The following KIF9 variants were observed in gnomAD, a reference collection of about 807,000 sequenced individuals.
The protein encoded by KIF9 is kinesin family member 9.
In KIF9, 68 loss-of-function variants were observed where a neutral mutation model predicts 94.8. That is an observed-to-expected ratio of 0.72 (90% CI 0.59 to 0.88). The LOEUF is 0.88. Ranked by LOEUF, KIF9 falls within the 40% of genes least tolerant of loss-of-function variation. The pLI, the probability that KIF9 is intolerant of heterozygous loss-of-function variation, is 0.00. For synonymous variants in KIF9, 343 were observed against 362.1 expected (o/e 0.95, Z 0.60); for missense variants, 882 against 982.5 (o/e 0.90, Z 1.37).
chr3:47,273,615 G>GT lies in KIF9; in HGVS notation c.302dup (p.Tyr101Ter). 3.7e-6 allele frequency: 6 copies of GT among 1,614,110 alleles called. No homozygotes were observed. The highest frequency in any genetic ancestry group is 5.1e-6 in the Non-Finnish European group (6 of 1,179,972). The change falls in exon 4 of 21, where the codon TAC (tyrosine) becomes TAAC (stop). Residue 101 changes from tyrosine to a stop codon, truncating the protein, a stop_gained and frameshift_variant. Coordinates refer to ENST00000684063, the MANE Select transcript of KIF9 (RefSeq NM_182902.4). LOFTEE classifies it high-confidence loss of function. ...CYGQTGAGKTYTMMGATENYK... is the reference protein window; with the variant it reads ...CYGQTGAGKT ...AATTCTCAGTTGCCCCCATCATGGT[G>GT]TATGTCTTGCCAGCTCCCGTCTGCC...
rs1413514012 is a variant in KIF9, at chr3:47,248,080, C to A, written c.1066G>T (p.Val356Phe). The change falls in exon 11 of 21, where the codon GTC (valine) becomes TTC (phenylalanine). Residue 356 changes from valine to phenylalanine, a missense_variant. Coordinates refer to ENST00000684063, the MANE Select transcript of KIF9 (RefSeq NM_182902.4). ...INEKYDAERM[V>F]KNLEKELALL... ...GCTAGTTCCTTCTCCAGGTTCTTGA[C>A]CATTCTCTGCCGGGAAACATGGTAG... 2.5e-6 allele frequency: 4 copies of A among 1,613,024 alleles called. No individual in the cohort carries two copies. Among genetic ancestry groups the A allele is most frequent in the Non-Finnish European group, 3.4e-6 (4 of 1,179,376 alleles).
intron 1 of KIF9, among the ~76,000 whole-genome samples, chr3:47,277,993 A>AGTGTGTGTGT (rs147140971): frequency 7.3e-5 from 11 of 150,210 alleles, no homozygotes; most frequent in African/African-American, 2.4e-4. Context: ...ATTTTCTTTC[A>AGTGTGTGTGT]GTGTGTGTGT....
chr3:47,264,239 C>T (rs79062474), intron 9 of KIF9, 47 bp downstream of exon 9: 36,648 of 1,445,542 alleles, frequency 0.025, 725 homozygotes, highest in Non-Finnish European at 0.026. Flanking sequence ...GCCCTGGCAC[C>T]CATGAAGGGG....
chr3:47,261,368 A>G (rs1431087444), intron 9 of KIF9, among the ~76,000 whole-genome samples: 1 of 152,142 alleles, frequency 6.6e-6, no homozygotes, highest in Non-Finnish European at 1.5e-5. Flanking sequence ...CCAGCCAAGG[A>G]TAATTATGGC....
intron 1 of KIF9, chr3:47,281,125 G>T (rs1002944653): frequency 4.5e-6 from 3 of 667,918 alleles, no homozygotes; most frequent in South Asian, 3.2e-5. Flanking sequence ...AATGGCGGTG[G>T]TTGGTGATGG....
chr3:47,266,634 G>C (rs1701304976), intron 7 of KIF9, among the ~76,000 whole-genome samples: 1 of 152,170 alleles, frequency 6.6e-6, no homozygotes, highest in South Asian at 2.1e-4. Context: ...GACACGGCGA[G>C]ACTGTGTCTC....
chr3:47,239,755 T>C, intron 17 of KIF9: 1 of 1,331,836 alleles, frequency 7.5e-7, no homozygotes, highest in Non-Finnish European at 1.0e-6. Context: ...GCCCTGCTCC[T>C]CTGAGAAATA....
chr3:47,241,084 T>C (rs1032452012), intron 16 of KIF9, 69 bp from the exon 17 acceptor site: 3 of 1,395,580 alleles, frequency 2.1e-6, no homozygotes, highest in Non-Finnish European at 3.0e-6. Context: ...AGGCACTTCA[T>C]CTTTCTTCCC....
At chr3:47,265,634 GGA>G in intron 8 of KIF9, 94 bp downstream of exon 8, 1 of 1,321,490 alleles carries the variant, frequency 7.6e-7, no homozygotes, top group South Asian at 1.3e-5. Flanking sequence ...CCACCAGGAG[GGA>G]GCAATTCTAT....
chr3:47,246,119 T>A, intron 13 of KIF9, 78 bp downstream of exon 13: 1 of 1,330,418 alleles, frequency 7.5e-7, no homozygotes, highest in South Asian at 1.2e-5. Flanking sequence ...GAGGAGCTCT[T>A]GGAGGCAAGT....
intron 1 of KIF9, among the ~76,000 whole-genome samples, chr3:47,280,589 C>T (rs1418168049): frequency 6.6e-6 from 1 of 152,138 alleles, no homozygotes; most frequent in Admixed American, 6.6e-5. Flanking sequence ...CGCGTGTGGT[C>T]CCAATTTCCC....
chr3:47,254,767 A>G (rs970829056), intron 10 of KIF9, among the ~76,000 whole-genome samples: 2 of 152,308 alleles, frequency 1.3e-5, no homozygotes, highest in Non-Finnish European at 2.9e-5. Flanking sequence ...AGGAGGCCTC[A>G]GTGTCATAAA....
chr3:47,258,603 TAGTG>T (rs1285604295), intron 9 of KIF9, among the ~76,000 whole-genome samples: 1 of 152,124 alleles, frequency 6.6e-6, no homozygotes, highest in Non-Finnish European at 1.5e-5. Context: ...GTTCTCATGG[TAGTG>T]AGTGAGTTCT....
At position 47,228,525 on chromosome 3, in the gene KIF9, G is replaced by A. The variant is rs1698319089; in HGVS notation, c.*127C>T. On this transcript the variant is annotated 3_prime_UTR_variant, in exon 21 of 21. Transcript: ENST00000684063. ...GCTCCTCCCAACATGCAGGCCAAAT[G>A]TGTTCTCTGTGCTGGGTCCCAGCAT... 1.9e-5 allele frequency: 15 copies of A among 801,100 alleles called. No individual in the cohort carries two copies. The allele number at this position is 801,100 out of a possible 1,614,324, so 49.6% of individuals were successfully genotyped here. A position where few individuals can be genotyped will look rare whatever the true frequency, so the allele number is the denominator to read the frequency against.
intron 10 of KIF9, among the ~76,000 whole-genome samples, chr3:47,255,668 T>C (rs1267522116): frequency 6.6e-6 from 1 of 152,168 alleles, no homozygotes; most frequent in Non-Finnish European, 1.5e-5. Flanking sequence ...CAGTCTAGGG[T>C]AGAGCCTGAA....
chr3:47,241,884 ATT>A (rs199875749), intron 16 of KIF9, among the ~76,000 whole-genome samples: 3,317 of 114,154 alleles, frequency 0.029, 100 homozygotes, highest in Admixed American at 0.096. Context: ...ATATATATAT[ATT>A]TTTTTTTTTT....
At chr3:47,263,726 C>T (rs1701121821) in intron 9 of KIF9, 1 of 392,112 alleles carries the variant, frequency 2.6e-6, no homozygotes, top group Non-Finnish European at 5.0e-6. Flanking sequence ...TCTCCTCCCT[C>T]TGGGCCTCAC....
chr3:47,255,746 C>G (rs1055277773), intron 10 of KIF9, among the ~76,000 whole-genome samples: 11 of 143,108 alleles, frequency 7.7e-5, no homozygotes, highest in Non-Finnish European at 1.5e-4. Flanking sequence ...TCCCTCTCCC[C>G]ACGGTCTCCC....
At chr3:47,277,116 A>G (rs1702026406) in intron 2 of KIF9, 166 bp downstream of exon 2, 1 of 425,334 alleles carries the variant, frequency 2.4e-6, no homozygotes, top group Admixed American at 4.3e-5. Context: ...TAATTTCTTC[A>G]TTAGCAGTGT....
Sources: allele counts gnomAD v4.1 joint callset (sites outside exome capture counted in the v4.1 genomes callset), GRCh38; gene constraint gnomAD v4.1.1; transcripts MANE v1.5; gene names NCBI Gene and HGNC (gene_info 2026-07-23, HGNC 2026-07-21).